The following SLC38A3 variants were observed in gnomAD, a reference collection of about 807,000 sequenced individuals.
SLC38A3 encodes solute carrier family 38 member 3.
In SLC38A3, 17 loss-of-function variants were observed where a neutral mutation model predicts 59.5. That is an observed-to-expected ratio of 0.29 (90% CI 0.20 to 0.43). The LOEUF (loss-of-function observed/expected upper bound fraction) is 0.43, where lower values mean the gene tolerates loss of function less well. SLC38A3 is among the 20% of genes least tolerant of loss of function. The pLI is 1.00. For missense variants in SLC38A3, 454 were observed against 653.9 expected (o/e 0.69, Z 3.33); for synonymous variants, 238 against 260.3 (o/e 0.91, Z 0.82).
chr3:50,219,903 C>G lies in SLC38A3; in HGVS notation c.1329C>G (p.Leu443=). ...GVIGATSAPF[L]IFIFPAIFYF... is the part of the protein sequence containing the mutation. The stretch of plus-strand genomic sequence containing the variant: ...CAGGTGCCACATCTGCCCCATTCCT[C>G]ATCTTCATCTTCCCTGCCATCTTCT... The change falls in exon 15 of 16, where the codon CTC becomes CTG. Residue 443 remains leucine (L), a synonymous_variant. Transcript: ENST00000614032. 1 of 1,613,000 alleles carries G rather than the reference C, an allele frequency of 6.2e-7. No individual in the cohort carries two copies. The highest frequency in any genetic ancestry group is 1.1e-5 in the South Asian group (1 of 90,754).
chr3:50,208,903 C>A (rs1212136414), intron 1 of SLC38A3, among the ~76,000 whole-genome samples: 2 of 152,176 alleles, frequency 1.3e-5, no homozygotes, highest in Non-Finnish European at 2.9e-5. Flanking sequence ...CCTTTTCTTC[C>A]TGATGTTGGA....
chr3:50,217,962 C>T lies in SLC38A3; in HGVS notation c.901C>T (p.Pro301Ser), dbSNP rs372237978. ...CATGGCCTTCGCCTTCGTCTGCCAC[C>T]CCGAGGTGCTGCCCATCTATACTGA... is the stretch of plus-strand genomic sequence containing the variant. Reference protein sequence around the residue: ...PIMAFAFVCHPEVLPIYTELK... With the variant: ...PIMAFAFVCHSEVLPIYTELK... Residue 301 changes from proline to serine, a missense_variant, in exon 11 of 16, where the codon CCC becomes TCC. By Grantham distance (74) the Pro-to-Ser change is moderately conservative. Coordinates refer to ENST00000614032, the MANE Select transcript of SLC38A3 (RefSeq NM_006841.6). The surrounding 1 kb of genome is among the most constrained non-coding windows in gnomAD (Gnocchi z 4.9). The T allele has an allele frequency of 6.2e-7, 1 of 1,614,008 alleles. No homozygotes were observed. The highest frequency in any genetic ancestry group is 8.5e-7 in the Non-Finnish European group (1 of 1,179,902).
chr3:50,219,081 G>A, intron 14 of SLC38A3, 133 bp downstream of exon 14: 1 of 1,161,988 alleles, frequency 8.6e-7, no homozygotes, highest in South Asian at 1.5e-5. Flanking sequence ...CCTTCCATCT[G>A]AGCTTTTGTC....
intron 1 of SLC38A3, among the ~76,000 whole-genome samples, chr3:50,213,545 G>A (rs377031721): frequency 7.9e-5 from 12 of 152,346 alleles, no homozygotes; most frequent in African/African-American, 2.4e-4. Flanking sequence ...TGCGCCTGCC[G>A]TTCCCAGCGC....
At position 50,215,063 on chromosome 3, in the gene SLC38A3, T is replaced by C. The variant is rs1699797325; in HGVS notation, c.299+295T>C. 2 of 574,498 alleles carry C rather than the reference T, an allele frequency of 3.5e-6. No homozygotes were observed. Among genetic ancestry groups the C allele is most frequent in the African/African-American group, 1.9e-5 (1 of 53,462 alleles). The allele number at this position is 574,498 out of a possible 1,614,324, so 35.6% of individuals were successfully genotyped here. Reference sequence around the variant, plus strand: ...GCCAGGCCTTGTGTGGGCACACGTGTCCTTTGGCTGGGGGCTCTGCCCTGA... The same window carrying C: ...GCCAGGCCTTGTGTGGGCACACGTGCCCTTTGGCTGGGGGCTCTGCCCTGA... On this transcript the variant is annotated intron_variant, in intron 4 of 15. Transcript: ENST00000614032. This position sits in a 1 kb window ranked among gnomAD's most constrained non-coding sequence, Gnocchi z 7.1.
chr3:50,214,116 C>T lies in SLC38A3; in HGVS notation c.-51-33C>T, dbSNP rs1030702694. 1.4e-5 allele frequency: 19 copies of T among 1,344,708 alleles called. No individual in the cohort carries two copies. Among genetic ancestry groups the T allele is most frequent in the African/African-American group, 5.7e-5 (4 of 69,580 alleles). The allele number at this position is 1,344,708 out of a possible 1,614,324, so 83.3% of individuals were successfully genotyped here. A position where few individuals can be genotyped will look rare whatever the true frequency, so the allele number is the denominator to read the frequency against. On this transcript the variant is annotated intron_variant, in intron 1 of 15. Coordinates refer to ENST00000614032, the MANE Select transcript of SLC38A3 (RefSeq NM_006841.6). This position sits in a 1 kb window ranked among gnomAD's most constrained non-coding sequence, Gnocchi z 6.0. Reference sequence around the variant, plus strand: ...GAGGCTAGGCCGTAGGCCCAAGTAACGGGGCTAACCAGAGGGACCGGCTGC... The same window carrying T: ...GAGGCTAGGCCGTAGGCCCAAGTAATGGGGCTAACCAGAGGGACCGGCTGC...
chr3:50,218,961 C>T lies in SLC38A3; in HGVS notation c.1306+13C>T. 6.2e-7 allele frequency: 1 copy of T among 1,601,344 alleles called. No individual in the cohort carries two copies. Among genetic ancestry groups the T allele is most frequent in the Non-Finnish European group, 8.5e-7 (1 of 1,169,774 alleles). ...TTTGGGGTCATCGGTGAGGGTCTGGCCCTGCTGTGGAAGCAGGGTATTGCC... is the reference window on the plus strand; with the variant it reads ...TTTGGGGTCATCGGTGAGGGTCTGGTCCTGCTGTGGAAGCAGGGTATTGCC... On this transcript the variant is annotated intron_variant, in intron 14 of 15. Transcript: ENST00000614032. This position sits in a 1 kb window ranked among gnomAD's most constrained non-coding sequence, Gnocchi z 5.8.
chr3:50,211,565 ATCC>A (rs1699728281), intron 1 of SLC38A3, among the ~76,000 whole-genome samples: 1 of 76,374 alleles, frequency 1.3e-5, no homozygotes, highest in Non-Finnish European at 2.6e-5. Flanking sequence ...TGATGCCCCC[ATCC>A]TTTTTTTTTT....
At chr3:50,216,811 C>T (rs906057781) in intron 7 of SLC38A3, among the ~76,000 whole-genome samples, 59 of 151,520 alleles carry the variant, frequency 3.9e-4, no homozygotes, top group African/African-American at 1.3e-3. Flanking sequence ...CTCGCTCAGT[C>T]GCCCAGGCTG....
chr3:50,209,481 TACTA>T (rs1469001955), intron 1 of SLC38A3, among the ~76,000 whole-genome samples: 2 of 151,960 alleles, frequency 1.3e-5, no homozygotes, highest in East Asian at 3.9e-4. Context: ...ACCCCGTCTC[TACTA>T]AAAAATACAA....
chr3:50,217,676 G>A lies in SLC38A3; in HGVS notation c.691G>A (p.Val231Ile), dbSNP rs755089057. Residue 231 changes from valine to isoleucine, a missense_variant and splice_region_variant, in exon 10 of 16, where the codon GTC becomes ATC. By Grantham distance (29) the Val-to-Ile change is conservative. Coordinates refer to ENST00000614032, the MANE Select transcript of SLC38A3 (RefSeq NM_006841.6). This position sits in a 1 kb window ranked among gnomAD's most constrained non-coding sequence, Gnocchi z 4.9. Reference protein sequence around the residue: ...LSCMVFFLIAVIYKKFHVPCP... With the variant: ...LSCMVFFLIAIIYKKFHVPCP... ...ACACCCTCATCCCTCCCCACTCCAG[G>A]TCATCTACAAAAAGTTCCACGTGCC... 3.1e-6 allele frequency: 5 copies of A among 1,613,842 alleles called. No individual in the cohort carries two copies. Among genetic ancestry groups the A allele is most frequent in the Non-Finnish European group, 4.2e-6 (5 of 1,179,856 alleles).
chr3:50,207,716 C>T (rs1699665641), intron 1 of SLC38A3: 1 of 152,270 alleles, frequency 6.6e-6, no homozygotes, highest in South Asian at 2.1e-4. Context: ...GGTGGTAGGA[C>T]AGACATAGGA....
At chr3:50,210,722 G>A (rs1047081776) in intron 1 of SLC38A3, among the ~76,000 whole-genome samples, 3 of 152,208 alleles carry the variant, frequency 2.0e-5, no homozygotes, top group East Asian at 1.9e-4. Flanking sequence ...GTGGGCGGGC[G>A]TTACCTGCTG....
rs768996943 is a variant in SLC38A3 at position 50,218,876 on chromosome 3, G to C, written c.1234G>C (p.Val412Leu). ...FSWLRHVLIAVGLLTCINLLV... is the reference protein window; with the variant it reads ...FSWLRHVLIALGLLTCINLLV... ...CTGGCTGCGGCATGTGCTTATTGCCGTTGGCCTGCTCACTTGTATCAACCT... is the reference window on the plus strand; with the variant it reads ...CTGGCTGCGGCATGTGCTTATTGCCCTTGGCCTGCTCACTTGTATCAACCT... The change falls in exon 14 of 16, where the codon GTT becomes CTT. Residue 412 changes from valine (V) to leucine (L), a missense_variant. Val to Leu is a conservative substitution (Grantham distance 32, BLOSUM62 1). Transcript: ENST00000614032. This position sits in a 1 kb window ranked among gnomAD's most constrained non-coding sequence, Gnocchi z 5.8. 1 of 1,613,550 alleles carries C rather than the reference G, an allele frequency of 6.2e-7. No individual in the cohort carries two copies. Among genetic ancestry groups the C allele is most frequent in the South Asian group, 1.1e-5 (1 of 91,074 alleles).
In SLC38A3 at chr3:50,215,241, T is replaced by C; in HGVS notation, c.300-145T>C. ...GGTGTTCATCACCCCTGGGGCCTGC[T>C]GAGCTGGCATCCATACCTGTTGGGA... On this transcript the variant is annotated intron_variant, in intron 4 of 15. Coordinates refer to ENST00000614032, the MANE Select transcript of SLC38A3 (RefSeq NM_006841.6). This position sits in a 1 kb window ranked among gnomAD's most constrained non-coding sequence, Gnocchi z 7.1. 1 of 698,496 alleles carries C rather than the reference T, an allele frequency of 1.4e-6. No homozygotes were observed. The highest frequency in any genetic ancestry group is 1.7e-5 in the South Asian group (1 of 58,526). 43.3% of individuals were successfully genotyped at this position (698,496 alleles called of 1,614,324 possible).
chr3:50,211,909 C>T (rs1053791751), intron 1 of SLC38A3, among the ~76,000 whole-genome samples: 2 of 152,236 alleles, frequency 1.3e-5, no homozygotes, highest in African/African-American at 4.8e-5. Flanking sequence ...TTTTTTGAGA[C>T]CCAGCATTAT....
chr3:50,213,733 T>C (rs903487504), intron 1 of SLC38A3, among the ~76,000 whole-genome samples: 2 of 152,164 alleles, frequency 1.3e-5, no homozygotes, highest in Admixed American at 6.5e-5. Flanking sequence ...CATCTCCCAC[T>C]ATTGATGTCA....
intron 1 of SLC38A3, among the ~76,000 whole-genome samples, chr3:50,209,579 G>A (rs1382039339): frequency 2.0e-5 from 3 of 151,846 alleles, no homozygotes; most frequent in Admixed American, 2.0e-4. Flanking sequence ...AACCCAGGAG[G>A]CGGAGGTTGC....
rs1699806435 is a variant in SLC38A3, at chr3:50,215,585, A to G, written c.415A>G (p.Thr139Ala). 6.2e-6 allele frequency: 10 copies of G among 1,613,576 alleles called. No individual in the cohort carries two copies. Among genetic ancestry groups the G allele is most frequent in the Non-Finnish European group, 7.6e-6 (9 of 1,179,828 alleles). The change falls in exon 6 of 16, where the codon ACC (threonine) becomes GCC (alanine). Residue 139 changes from threonine (T) to alanine (A), a missense_variant. Physicochemically the swap from Thr to Ala is moderately conservative, Grantham distance 58. Around this residue, in one of 3 missense-constraint regions of SLC38A3, gnomAD observed 390 missense variants for 557.9 expected, o/e 0.70. Coordinates refer to ENST00000614032, the MANE Select transcript of SLC38A3 (RefSeq NM_006841.6). This position sits in a 1 kb window ranked among gnomAD's most constrained non-coding sequence, Gnocchi z 7.1. ...YEQLGYRAFG[T>A]PGKLAAALAI... ...GCAGCTGGGCTACCGTGCCTTTGGG[A>G]CCCCAGGAAAGCTGGCAGCAGCCCT... is the stretch of plus-strand genomic sequence containing the variant.
Sources: gnomAD v4.1 joint callset for allele counts (sites outside exome capture counted in the v4.1 genomes callset) on GRCh38, gnomAD v4.1.1 for gene constraint, gnomAD v4.1.1 regional missense constraint, Gnocchi (gnomAD v3.1) non-coding constraint, MANE v1.5 for transcripts, NCBI Gene and HGNC (gene_info 2026-07-23, HGNC 2026-07-21) for gene names.